SYNPR: variants seen among roughly 807,000 people sequenced by gnomAD.
SYNPR encodes synaptoporin.
A neutral mutation model predicts 32.9 loss-of-function variants in SYNPR; 23 were observed. The observed-to-expected ratio is 0.70, with a 90% CI of 0.50 to 0.99. The LOEUF is 0.99. Among genes scored for constraint, SYNPR ranks in the 50% least tolerant of loss-of-function variants. The pLI is 0.00. For missense variants in SYNPR, 318 were observed against 349.3 expected (o/e 0.91, Z 0.71); for synonymous variants, 146 against 135.9 (o/e 1.07, Z -0.52).
At chr3:63,577,594 G>C (rs1217504303) in intron 4 of SYNPR, among the ~76,000 whole-genome samples, 1 of 152,152 alleles carries the variant, frequency 6.6e-6, no homozygotes, top group Non-Finnish European at 1.5e-5. Context: ...AGAAACAGGA[G>C]AGGGAAGAGG....
intron 3 of SYNPR, among the ~76,000 whole-genome samples, chr3:63,518,608 C>T (rs912759380): frequency 3.3e-5 from 5 of 152,122 alleles, no homozygotes; most frequent in Admixed American, 2.6e-4. Flanking sequence ...AATTATAGCC[C>T]TATACCTGCC....
chr3:63,448,312 T>C (rs1229746017), intron 2 of SYNPR, among the ~76,000 whole-genome samples: 2 of 152,180 alleles, frequency 1.3e-5, no homozygotes, highest in Admixed American at 1.3e-4. Context: ...CCTTACACAA[T>C]CTTTAAATCC....
At chr3:63,430,347 TC>T (rs2063772997) in intron 2 of SYNPR, among the ~76,000 whole-genome samples, 1 of 149,060 alleles carries the variant, frequency 6.7e-6, no homozygotes, top group Admixed American at 6.7e-5. Context: ...ATTCATTCAC[TC>T]CTACACTGAG....
chr3:63,519,301 A>G (rs1270291001), intron 3 of SYNPR, among the ~76,000 whole-genome samples: 1 of 152,208 alleles, frequency 6.6e-6, no homozygotes, highest in Non-Finnish European at 1.5e-5. Flanking sequence ...TTGTGAAACC[A>G]TGAAAGAGTC....
intron 2 of SYNPR, among the ~76,000 whole-genome samples, chr3:63,393,310 A>G: frequency 6.6e-6 from 1 of 152,124 alleles, no homozygotes; most frequent in Admixed American, 6.5e-5. Flanking sequence ...GGGTTATTCT[A>G]GGGTAAATAC....
intron 2 of SYNPR, among the ~76,000 whole-genome samples, chr3:63,402,250 C>T (rs2088302318): frequency 6.6e-6 from 1 of 152,136 alleles, no homozygotes; most frequent in Non-Finnish European, 1.5e-5. Context: ...GGCCTCTAAA[C>T]ATGAGGAGCG....
intron 2 of SYNPR, among the ~76,000 whole-genome samples, chr3:63,294,577 C>T (rs1214517032): frequency 2.0e-5 from 3 of 152,096 alleles, no homozygotes; most frequent in Non-Finnish European, 2.9e-5. Flanking sequence ...CATCGTACTA[C>T]TCCACCACTT....
At chr3:63,389,589 G>A (rs1487731326) in intron 2 of SYNPR, among the ~76,000 whole-genome samples, 3 of 152,162 alleles carry the variant, frequency 2.0e-5, no homozygotes, top group East Asian at 1.9e-4. Context: ...CATTGACCAC[G>A]TGGGTATTAT....
At chr3:63,272,087 G>C (rs749673210) in intron 3 of SYNPR, among the ~76,000 whole-genome samples, 12 of 152,028 alleles carry the variant, frequency 7.9e-5, no homozygotes, top group Non-Finnish European at 1.5e-4. Context: ...AACCACACAG[G>C]GTGTTAATAT....
intron 3 of SYNPR, among the ~76,000 whole-genome samples, chr3:63,504,620 A>T (rs565560220): frequency 4.5e-4 from 69 of 152,196 alleles, no homozygotes; most frequent in Non-Finnish European, 9.0e-4. Flanking sequence ...AACAACCCAG[A>T]TGCAACATAA....
chr3:63,330,065 T>G (rs1479243837), intron 2 of SYNPR: 1 of 152,288 alleles, frequency 6.6e-6, no homozygotes, highest in Non-Finnish European at 1.5e-5. Context: ...TTCTGGCTTA[T>G]GTAGGCTCAC....
chr3:63,445,893 A>G (rs1575648214), intron 2 of SYNPR, among the ~76,000 whole-genome samples: 1 of 152,302 alleles, frequency 6.6e-6, no homozygotes, highest in East Asian at 1.9e-4. Context: ...CCATTCTGAT[A>G]CAAGGTAGTC....
intron 2 of SYNPR, among the ~76,000 whole-genome samples, chr3:63,408,265 GAAAGAAAGAAAGAGGAAGGAAGGAAGGA>G (rs2088402967): frequency 8.4e-6 from 1 of 119,566 alleles, no homozygotes; most frequent in African/African-American, 3.6e-5. Context: ...AAGAAAGAAA[GAAAGAAAGAAAGAGGAAGGAAGGAAGGA>G]AGGAAGGAAG....
chr3:63,267,966 G>A (rs1291243842), intron 3 of SYNPR, among the ~76,000 whole-genome samples: 1 of 152,110 alleles, frequency 6.6e-6, no homozygotes, highest in African/African-American at 2.4e-5. Context: ...AGCAAAAATA[G>A]AAATATTTTA....
At chr3:63,606,481 G>C (rs1196221235) in intron 4 of SYNPR, among the ~76,000 whole-genome samples, 1 of 132,178 alleles carries the variant, frequency 7.6e-6, no homozygotes, top group African/African-American at 2.8e-5. Flanking sequence ...GAACTGGCTG[G>C]AGTGCAGTGA....
intron 1 of SYNPR, among the ~76,000 whole-genome samples, chr3:63,252,041 T>A (rs1302260717): frequency 6.6e-6 from 1 of 151,880 alleles, no homozygotes; most frequent in African/African-American, 2.4e-5. Context: ...GGGGGTACCA[T>A]GGAGTATTAT....
chr3:63,593,707 A>G (rs947401301), intron 4 of SYNPR, among the ~76,000 whole-genome samples: 1 of 152,206 alleles, frequency 6.6e-6, no homozygotes, highest in African/African-American at 2.4e-5. Flanking sequence ...GCATAAAACA[A>G]GATGATTGAC....
At chr3:63,201,374 T>A in the SYNPR span, among the ~76,000 whole-genome samples, 11 of 152,222 alleles carry the variant, frequency 7.2e-5, no homozygotes, top group African/African-American at 2.6e-4. Flanking sequence ...CCTTTACCTA[T>A]CACATTGTCT....
At chr3:63,294,348 T>C (rs2086772531) in intron 2 of SYNPR, among the ~76,000 whole-genome samples, 1 of 152,236 alleles carries the variant, frequency 6.6e-6, no homozygotes, top group Admixed American at 6.5e-5. Flanking sequence ...TTAAATGTTT[T>C]TACAGTTTGA....
Sources: allele counts gnomAD v4.1 joint callset (sites outside exome capture counted in the v4.1 genomes callset), GRCh38; gene constraint gnomAD v4.1.1; transcripts MANE v1.5; gene names NCBI Gene and HGNC (gene_info 2026-07-23, HGNC 2026-07-21).